ACOT8: variants seen among roughly 807,000 people sequenced by gnomAD.
ACOT8 encodes acyl-CoA thioesterase 8.
A neutral mutation model predicts 38.4 loss-of-function variants in ACOT8; 31 were observed. The observed-to-expected ratio is 0.81, with a 90% CI of 0.61 to 1.09. ACOT8 has a LOEUF of 1.09. ACOT8 is among the 50% of genes least tolerant of loss of function. ACOT8 has a pLI of 0.00. For synonymous variants in ACOT8, 158 were observed against 170.3 expected (o/e 0.93, Z 0.56); for missense variants, 373 against 421.8 (o/e 0.88, Z 1.01).
At chr20:45,851,601 G>C (rs1250940324) in intron 2 of ACOT8, among the ~76,000 whole-genome samples, 1 of 152,146 alleles carries the variant, frequency 6.6e-6, no homozygotes, top group Non-Finnish European at 1.5e-5. Context: ...GGACAGGAGG[G>C]TATGTTTTCT....
chr20:45,849,335 A>C (rs766202254), intron 2 of ACOT8, among the ~76,000 whole-genome samples: 3 of 152,000 alleles, frequency 2.0e-5, no homozygotes, highest in African/African-American at 4.8e-5. Context: ...CCCAGGCTGG[A>C]GTACAGTGGT....
chr20:45,854,088 C>G (rs1446638655), intron 2 of ACOT8: 1 of 804,140 alleles, frequency 1.2e-6, no homozygotes, highest in African/African-American at 1.8e-5. Flanking sequence ...TTTGTAGAGA[C>G]AAGGTCTCGA....
At chr20:45,850,129 G>T (rs948005510) in intron 2 of ACOT8, among the ~76,000 whole-genome samples, 1 of 152,266 alleles carries the variant, frequency 6.6e-6, no homozygotes, top group East Asian at 1.9e-4. Context: ...AGAATTGCTT[G>T]AAGCTGGGAG....
chr20:45,842,246 T>G (rs542599067), intron 5 of ACOT8: 1 of 1,439,860 alleles, frequency 6.9e-7, no homozygotes, highest in South Asian at 1.5e-5. Context: ...GAGCTTATTA[T>G]GGACCGTCAT....
At position 45,855,171 on chromosome 20, in the gene ACOT8, AG is replaced by A. The variant is rs1409288880; in HGVS notation, c.249del (p.Phe84LeufsTer29). 6.2e-7 allele frequency: 1 copy of A among 1,614,044 alleles called. No individual in the cohort carries two copies. The highest frequency in any genetic ancestry group is 1.3e-5 in the African/African-American group (1 of 75,064). On this transcript the variant is annotated frameshift_variant, in exon 2 of 6. Transcript: ENST00000217455. LOFTEE classifies it high-confidence loss of function. ...EDVHVHSLHC[Y>X]FVRAGDPKLP... ...GTGGGGGGTTTACCTGCCCGAACAA[AG>A]TAGCAGTGCAGGGAGTGCACGTGGA...
At chr20:45,846,218 G>C (rs1418563896) in intron 3 of ACOT8, among the ~76,000 whole-genome samples, 1 of 152,146 alleles carries the variant, frequency 6.6e-6, no homozygotes, top group Non-Finnish European at 1.5e-5. Context: ...TAAATTCAAG[G>C]TCCTTTAACA....
chr20:45,850,187 G>A (rs1162793638), intron 2 of ACOT8, among the ~76,000 whole-genome samples: 1 of 152,212 alleles, frequency 6.6e-6, no homozygotes, highest in Non-Finnish European at 1.5e-5. Flanking sequence ...GGTGGAGGCT[G>A]CAGTGAGCCG....
At position 45,843,773 on chromosome 20, in the gene ACOT8, C is replaced by T. The variant is rs768197600; in HGVS notation, c.647-52G>A. 1.9e-6 allele frequency: 3 copies of T among 1,594,186 alleles called. No individual in the cohort carries two copies. The African/African-American group carries it at 4.0e-5, about 21-fold the overall frequency. Reference sequence around the variant, plus strand: ...GCTCCTGGGCTTTCCAGCTCAGGACCTGCACGGAGGTAGGGGGAAAAGGGA... The same window carrying T: ...GCTCCTGGGCTTTCCAGCTCAGGACTTGCACGGAGGTAGGGGGAAAAGGGA... On this transcript the variant is annotated intron_variant, in intron 4 of 5. Transcript: ENST00000217455.
rs770390945 is a variant in ACOT8, at chr20:45,844,392, A to G, written c.517T>C (p.Leu173=). ...RDPNLQKRYP[L]ALNRIAAQEV... Reference sequence around the variant, plus strand: ...TGAGCAGCAATTCGGTTGAGCGCCAATGGGTACCTCTTTTGGAGGTTAGGG... The same window carrying G: ...TGAGCAGCAATTCGGTTGAGCGCCAGTGGGTACCTCTTTTGGAGGTTAGGG... Residue 173 remains leucine, a synonymous_variant, in exon 4 of 6, where the codon TTG becomes CTG. Coordinates refer to ENST00000217455, the MANE Select transcript of ACOT8 (RefSeq NM_005469.4). 1.7e-5 allele frequency: 27 copies of G among 1,613,824 alleles called. No individual in the cohort carries two copies. Among genetic ancestry groups the G allele is most frequent in the Non-Finnish European group, 1.8e-5 (21 of 1,179,992 alleles).
chr20:45,848,286 A>G (rs1334889685), intron 3 of ACOT8, among the ~76,000 whole-genome samples, 164 bp downstream of exon 3: 1 of 152,132 alleles, frequency 6.6e-6, no homozygotes, highest in Non-Finnish European at 1.5e-5. Flanking sequence ...AGTTTCACAA[A>G]AGGATTCTTG....
intron 5 of ACOT8, chr20:45,843,218 A>G: frequency 3.9e-6 from 2 of 513,092 alleles, no homozygotes; most frequent in Non-Finnish European, 6.9e-6. Context: ...AGATGAGGAA[A>G]CTGAGGTTCA....
chr20:45,851,650 C>T (rs542099466), intron 2 of ACOT8, among the ~76,000 whole-genome samples: 1 of 152,308 alleles, frequency 6.6e-6, no homozygotes, highest in East Asian at 1.9e-4. Flanking sequence ...GCCACTCTTA[C>T]CCCCATTGTA....
At chr20:45,845,432 G>A (rs1330796510) in intron 3 of ACOT8, among the ~76,000 whole-genome samples, 1 of 152,152 alleles carries the variant, frequency 6.6e-6, no homozygotes. Flanking sequence ...CTGGCCTTAA[G>A]TGATCCTCCT....
At chr20:45,856,030 G>A (rs747989578) in intron 1 of ACOT8, among the ~76,000 whole-genome samples, 2 of 152,148 alleles carry the variant, frequency 1.3e-5, no homozygotes, top group South Asian at 2.1e-4. Flanking sequence ...TTGGGAAGCC[G>A]AGGTGGGAGG....
At chr20:45,846,471 C>T (rs1984691119) in intron 3 of ACOT8, among the ~76,000 whole-genome samples, 2 of 152,188 alleles carry the variant, frequency 1.3e-5, no homozygotes, top group African/African-American at 4.8e-5. Context: ...TGCCCAAACT[C>T]ACACAGCTAG....
chr20:45,852,160 G>A (rs197672), intron 2 of ACOT8, among the ~76,000 whole-genome samples: 127 of 151,256 alleles, frequency 8.4e-4, no homozygotes, highest in African/African-American at 3.0e-3. Context: ...AGGTCACCAC[G>A]CCCAGCTAAT....
At chr20:45,849,020 T>G (rs767682804) in intron 2 of ACOT8, 6 of 222,918 alleles carry the variant, frequency 2.7e-5, no homozygotes, top group African/African-American at 4.5e-5. Context: ...GCTTACAGGA[T>G]TTTAATGATA....
rs34209879 is a variant in ACOT8, at chr20:45,844,355, A to T, written c.554T>A (p.Ile185Asn). 1.1e-5 allele frequency: 17 copies of T among 1,614,118 alleles called. No homozygotes were observed. Among genetic ancestry groups the T allele is most frequent in the Non-Finnish European group, 1.4e-5 (17 of 1,180,008 alleles). The stretch of plus-strand genomic sequence containing the variant: ...GGATGGGTTTACTGGCTTGATCTCA[A>T]TGGGGACCTCCTGAGCAGCAATTCG... ...LNRIAAQEVP[I>N]EIKPVNPSPL... Residue 185 changes from isoleucine to asparagine, a missense_variant, in exon 4 of 6, where the codon ATT becomes AAT. Ile to Asn is a moderately radical substitution (Grantham distance 149). Coordinates refer to ENST00000217455, the MANE Select transcript of ACOT8 (RefSeq NM_005469.4).
At chr20:45,847,014 C>G (rs1394995225) in intron 3 of ACOT8, among the ~76,000 whole-genome samples, 2 of 152,080 alleles carry the variant, frequency 1.3e-5, no homozygotes, top group East Asian at 3.9e-4. Flanking sequence ...TCAAGACCAG[C>G]CTGGTCAACA....
Sources: allele counts gnomAD v4.1 joint callset (sites outside exome capture counted in the v4.1 genomes callset), GRCh38; gene constraint gnomAD v4.1.1; transcripts MANE v1.5; gene names NCBI Gene and HGNC (gene_info 2026-07-23, HGNC 2026-07-21).